C13orf46: variants seen among roughly 807,000 people sequenced by gnomAD.
The protein encoded by C13orf46 is chromosome 13 open reading frame 46.
the C13orf46 span, among the ~76,000 whole-genome samples, chr13:113,936,762 G>T: frequency 6.6e-6 from 1 of 152,068 alleles, no homozygotes; most frequent in African/African-American, 2.4e-5. Context: ...TGGTCCTTGT[G>T]CCCCGAGTCG....
At chr13:113,953,140 AGGCAGCCCCATTCCTTGGGTGTGT>A (rs2052496098), downstream of C13orf46, among the ~76,000 whole-genome samples, 4 of 152,192 alleles carry the variant, frequency 2.6e-5, no homozygotes, top group South Asian at 8.3e-4. Context: ...GCCTGGCACA[AGGCAGCCCCATTCCTTGGGTGTGT>A]GGCTGCTGAG....
intron 6 of C13orf46, among the ~76,000 whole-genome samples, chr13:113,961,479 A>C (rs2052585911): frequency 6.6e-6 from 1 of 151,160 alleles, no homozygotes. Context: ...AATAGAAATA[A>C]CTGTTTTCTT....
chr13:113,945,651 AGAAAGAAAGAAAGAAAGAAAG>A, the C13orf46 span, among the ~76,000 whole-genome samples: 1 of 138,604 alleles, frequency 7.2e-6, no homozygotes, highest in Non-Finnish European at 1.6e-5. Context: ...AAAGAAAGAA[AGAAAGAAAGAAAGAAAGAAAG>A]GAAAGAAAAA....
chr13:113,936,450 C>A, the C13orf46 span, among the ~76,000 whole-genome samples: 1 of 152,218 alleles, frequency 6.6e-6, no homozygotes, highest in African/African-American at 2.4e-5. Context: ...CCTCCCTCTT[C>A]CGGGCAAGTC....
chr13:113,950,023 C>T (rs943205422), downstream of C13orf46, among the ~76,000 whole-genome samples: 19 of 148,676 alleles, frequency 1.3e-4, no homozygotes, highest in South Asian at 4.4e-4. Context: ...TCGGGCACCT[C>T]GGTGCTCCCA....
chr13:113,954,086 G>A lies in C13orf46; in HGVS notation c.*2687C>T, dbSNP rs1233973655. 4 of 152,240 alleles carry A rather than the reference G, an allele frequency of 2.6e-5. No individual in the cohort carries two copies. The highest frequency in any genetic ancestry group is 4.4e-5 in the Non-Finnish European group (3 of 68,052). 9.4% of individuals were successfully genotyped at this position (152,240 alleles called of 1,614,324 possible). On this transcript the variant is annotated 3_prime_UTR_variant, in exon 7 of 7. Transcript: ENST00000636427. ...CAGTGGGACAAGCTCTGCGTGGCAT[G>A]CGGCTCCCTGAAAAGGGCCCCTCCC...
chr13:113,959,418 A>G (rs1288321842), intron 6 of C13orf46, among the ~76,000 whole-genome samples: 1 of 152,104 alleles, frequency 6.6e-6, no homozygotes, highest in Non-Finnish European at 1.5e-5. Flanking sequence ...GGATGTGTGA[A>G]GCTGTCTGGC....
chr13:113,929,210 G>A, the C13orf46 span, among the ~76,000 whole-genome samples: 1 of 152,244 alleles, frequency 6.6e-6, no homozygotes, highest in Non-Finnish European at 1.5e-5. Context: ...TACTCTCCCT[G>A]AGCTGATGTC....
chr13:113,947,417 G>A, the C13orf46 span, among the ~76,000 whole-genome samples: 7 of 152,168 alleles, frequency 4.6e-5, no homozygotes, highest in Admixed American at 6.5e-5. Context: ...GCTGCCGTCT[G>A]CTGTCGGAAG....
chr13:113,947,059 C>T, the C13orf46 span, among the ~76,000 whole-genome samples: 28 of 152,342 alleles, frequency 1.8e-4, 1 homozygote, highest in African/African-American at 6.3e-4. Context: ...CAGCCACAGA[C>T]CCGGGGGCTG....
At chr13:113,931,267 CTTTT>C in the C13orf46 span, among the ~76,000 whole-genome samples, 25 of 152,354 alleles carry the variant, frequency 1.6e-4, no homozygotes, top group African/African-American at 5.8e-4. Flanking sequence ...AGCGTGCAGT[CTTTT>C]TGCCTGGCTT....
downstream of C13orf46, among the ~76,000 whole-genome samples, chr13:113,950,702 G>A (rs1438099316): frequency 6.6e-6 from 1 of 152,202 alleles, no homozygotes; most frequent in Non-Finnish European, 1.5e-5. Flanking sequence ...GGCTGGCCCC[G>A]CCTCTCCTGC....
rs182088356 is a variant in C13orf46 at position 113,972,901 on chromosome 13, C to T, written c.190+907G>A. 1.0e-3 allele frequency among the ~76,000 whole-genome samples: 156 copies of T among 152,292 alleles called. 2 individuals carry two copies. The East Asian group carries it at 0.025, about 25-fold the overall frequency. On this transcript the variant is annotated intron_variant, in intron 1 of 6. Transcript: ENST00000636427. ...CACCCCTCCCGCCCTTGGCTGTGCC[C>T]GGCTGGAGCCCCCACAGCTCCGCCC...
intron 4 of C13orf46, among the ~76,000 whole-genome samples, 156 bp from the exon 5 acceptor site, chr13:113,967,544 C>T (rs1170583113): frequency 1.3e-5 from 2 of 152,156 alleles, no homozygotes; most frequent in East Asian, 1.9e-4. Context: ...CAATGCTGAA[C>T]GAGGGCTCCT....
chr13:113,938,880 C>G, the C13orf46 span, among the ~76,000 whole-genome samples: 1 of 152,146 alleles, frequency 6.6e-6, no homozygotes, highest in Non-Finnish European at 1.5e-5. Context: ...GAAAACTCAG[C>G]TTGGGCCTCA....
intron 2 of C13orf46, among the ~76,000 whole-genome samples, chr13:113,969,098 C>T (rs930060107): frequency 6.6e-5 from 10 of 152,216 alleles, no homozygotes; most frequent in African/African-American, 1.7e-4. Flanking sequence ...GCCACCCTGT[C>T]GCAGATCCAC....
chr13:113,970,844 CG>C (rs796438253), intron 1 of C13orf46, among the ~76,000 whole-genome samples: 1 of 152,198 alleles, frequency 6.6e-6, no homozygotes, highest in South Asian at 2.1e-4. Context: ...AACATCAACT[CG>C]GGTGAGCGGT....
At chr13:113,970,608 G>A (rs1022862962) in intron 1 of C13orf46, among the ~76,000 whole-genome samples, 1 of 152,124 alleles carries the variant, frequency 6.6e-6, no homozygotes, top group Non-Finnish European at 1.5e-5. Context: ...GGTGGGAGAA[G>A]CCCACAAGAC....
intron 5 of C13orf46, among the ~76,000 whole-genome samples, chr13:113,966,083 G>C (rs1261732272): frequency 7.1e-6 from 1 of 139,926 alleles, no homozygotes; most frequent in Non-Finnish European, 1.5e-5. Flanking sequence ...GTGATGTGAT[G>C]ATGGTATTAA....
Sources: allele counts gnomAD v4.1 joint callset (sites outside exome capture counted in the v4.1 genomes callset), GRCh38; gene constraint gnomAD v4.1.1; transcripts MANE v1.5; gene names NCBI Gene and HGNC (gene_info 2026-07-23, HGNC 2026-07-21).